COL25A1: variants seen among roughly 807,000 people sequenced by gnomAD.
The protein encoded by COL25A1 is collagen alpha-1(XXV) chain.
Under a neutral mutation model 128.4 loss-of-function variants are expected in COL25A1, and 103 were observed. The ratio of observed to expected loss-of-function variants is 0.80; its 90% CI spans 0.68 to 0.94. The LOEUF (loss-of-function observed/expected upper bound fraction) is 0.94, where lower values mean the gene tolerates loss of function less well. Ranked by LOEUF, COL25A1 falls within the 40% of genes least tolerant of loss-of-function variation. The probability of loss-of-function intolerance (pLI) is 0.00; values close to 1 mark genes in which losing one functional copy is unlikely to be tolerated. For missense variants in COL25A1, 745 were observed against 840.0 expected, an observed-to-expected ratio of 0.89 and a Z score of 1.40; for synonymous variants, 279 against 277.2, an observed-to-expected ratio of 1.01 and a Z score of -0.06.
intron 3 of COL25A1, among the ~76,000 whole-genome samples, chr4:109,221,109 CATAAG>C (rs1163633959): frequency 7.8e-6 from 1 of 128,422 alleles, no homozygotes; most frequent in African/African-American, 4.1e-5. Flanking sequence ...TAATAATATG[CATAAG>C]ATATTAAGTA....
chr4:109,301,938 C>G lies in COL25A1; in HGVS notation c.82G>C (p.Ala28Pro). The change falls in exon 2 of 38, where the codon GCC becomes CCC. Residue 28 changes from alanine (A) to proline (P), a missense_variant. Ala to Pro is a conservative substitution (Grantham distance 27, BLOSUM62 -1). Around this residue, in one of 3 missense-constraint regions of COL25A1, gnomAD observed 319 missense variants for 324.9 expected, o/e 0.98. Transcript: ENST00000399132. ...EDPTPAEQHC[A>P]RTMPPCAVLA... ...ACGGCACACGGGGGCATGGTCCGGG[C>G]ACAATGCTGTTCGGCAGGGGTCGGG... The G allele has an allele frequency of 6.2e-7, 1 of 1,613,806 alleles. No homozygotes were observed. Among genetic ancestry groups the G allele is most frequent in the South Asian group, 1.1e-5 (1 of 91,080 alleles).
chr4:108,841,455 A>C (rs569922932), intron 31 of COL25A1, among the ~76,000 whole-genome samples: 1 of 152,296 alleles, frequency 6.6e-6, no homozygotes, highest in East Asian at 1.9e-4. Flanking sequence ...GTAATTTGAG[A>C]GGTTACATAG....
At chr4:109,049,203 T>G (rs1298496248) in intron 4 of COL25A1, among the ~76,000 whole-genome samples, 1 of 152,208 alleles carries the variant, frequency 6.6e-6, no homozygotes, top group Non-Finnish European at 1.5e-5. Context: ...TAGTAGTTGA[T>G]TATTTTTAAT....
In COL25A1 at chr4:109,048,183, G is replaced by A. The variant is rs766298500; in HGVS notation, c.413-8C>T. 1 of 1,610,962 alleles carries A rather than the reference G, an allele frequency of 6.2e-7. No individual in the cohort carries two copies. The highest frequency in any genetic ancestry group is 1.7e-5 in the Admixed American group (1 of 59,980). Reference sequence around the variant, plus strand: ...ACATACTTACAGGAGGACCTATGGGGGGAGCAGGTGGAGAGAGAAGAGAGA... The same window carrying A: ...ACATACTTACAGGAGGACCTATGGGAGGAGCAGGTGGAGAGAGAAGAGAGA... On this transcript the variant is annotated splice_polypyrimidine_tract_variant and splice_region_variant and intron_variant, in intron 4 of 37. Coordinates refer to ENST00000399132, the MANE Select transcript of COL25A1 (RefSeq NM_198721.4).
intron 4 of COL25A1, among the ~76,000 whole-genome samples, chr4:109,048,933 C>G (rs563183688): frequency 1.3e-5 from 2 of 151,882 alleles, no homozygotes; most frequent in Non-Finnish European, 2.9e-5. Flanking sequence ...ATAAAGTGTC[C>G]TCTATTAGAA....
chr4:109,239,851 C>T (rs960613946), intron 3 of COL25A1, among the ~76,000 whole-genome samples: 1 of 152,036 alleles, frequency 6.6e-6, no homozygotes, highest in African/African-American at 2.4e-5. Flanking sequence ...ACATTGTACA[C>T]TTCATAGACT....
chr4:109,279,795 T>C (rs1221029197), intron 3 of COL25A1, among the ~76,000 whole-genome samples: 1 of 152,226 alleles, frequency 6.6e-6, no homozygotes. Context: ...CCCTTTATTC[T>C]ACTATGTATC....
intron 3 of COL25A1, among the ~76,000 whole-genome samples, chr4:109,083,648 G>C (rs929065377): frequency 6.6e-6 from 1 of 151,654 alleles, no homozygotes; most frequent in African/African-American, 2.4e-5. Context: ...ATTTTTAGTA[G>C]AGACGGGGTT....
chr4:109,281,181 T>C (rs1434335229), intron 3 of COL25A1, among the ~76,000 whole-genome samples: 1 of 152,152 alleles, frequency 6.6e-6, no homozygotes, highest in East Asian at 1.9e-4. Flanking sequence ...AAGCAATATA[T>C]ATATTAGTTA....
intron 3 of COL25A1, among the ~76,000 whole-genome samples, chr4:109,225,324 T>C (rs1360513613): frequency 6.6e-6 from 1 of 151,964 alleles, no homozygotes; most frequent in African/African-American, 2.4e-5. Flanking sequence ...AAGACATGAA[T>C]AGACAATTTT....
intron 6 of COL25A1, among the ~76,000 whole-genome samples, chr4:108,997,451 A>G (rs1754894610): frequency 6.6e-6 from 1 of 152,230 alleles, no homozygotes; most frequent in Non-Finnish European, 1.5e-5. Flanking sequence ...GAATAGACCA[A>G]TAACAGGCTC....
intron 3 of COL25A1, among the ~76,000 whole-genome samples, chr4:109,110,190 T>A (rs10025316): frequency 0.21 from 32,104 of 151,990 alleles, 4,032 homozygotes; most frequent in East Asian, 0.38. Context: ...TACTCCTGAA[T>A]CACAAGGCTA....
chr4:109,139,635 T>C (rs1206566406), intron 3 of COL25A1, among the ~76,000 whole-genome samples: 1 of 152,180 alleles, frequency 6.6e-6, no homozygotes, highest in Non-Finnish European at 1.5e-5. Context: ...TGGTTGTAGA[T>C]GTGTGGCGTT....
At chr4:109,184,071 G>A (rs1774913032) in intron 3 of COL25A1, among the ~76,000 whole-genome samples, 1 of 152,066 alleles carries the variant, frequency 6.6e-6, no homozygotes. Flanking sequence ...TTCCATTTCA[G>A]AGGTAGGAAA....
At chr4:109,043,216 G>C (rs557634919) in intron 5 of COL25A1, among the ~76,000 whole-genome samples, 1 of 152,118 alleles carries the variant, frequency 6.6e-6, no homozygotes, top group Non-Finnish European at 1.5e-5. Flanking sequence ...ATAAATTGTA[G>C]TTATTAGTAT....
chr4:108,886,624 C>T (rs1375029717), intron 18 of COL25A1, among the ~76,000 whole-genome samples: 2 of 152,042 alleles, frequency 1.3e-5, no homozygotes, highest in Non-Finnish European at 2.9e-5. Flanking sequence ...CTTCCCTATT[C>T]CTTGACTCAG....
chr4:109,185,640 G>A (rs1214080578), intron 3 of COL25A1, among the ~76,000 whole-genome samples: 1 of 152,182 alleles, frequency 6.6e-6, no homozygotes, highest in Non-Finnish European at 1.5e-5. Flanking sequence ...AACCCCCAGT[G>A]TGGCTGTATT....
intron 3 of COL25A1, among the ~76,000 whole-genome samples, chr4:109,207,234 G>C (rs916046730): frequency 6.6e-6 from 1 of 152,128 alleles, no homozygotes; most frequent in Non-Finnish European, 1.5e-5. Context: ...TAAGGAGTGT[G>C]CCAGCTGCCT....
chr4:109,187,935 C>G (rs962939503), intron 3 of COL25A1, among the ~76,000 whole-genome samples: 1 of 152,156 alleles, frequency 6.6e-6, no homozygotes, highest in East Asian at 1.9e-4. Flanking sequence ...CTAAAGCAAG[C>G]AAGCTTTTCC....
Sources: allele counts gnomAD v4.1 joint callset (sites outside exome capture counted in the v4.1 genomes callset), GRCh38; gene constraint gnomAD v4.1.1; regional missense constraint gnomAD v4.1.1; transcripts MANE v1.5; gene names NCBI Gene and HGNC (gene_info 2026-07-23, HGNC 2026-07-21).